PDLIM5: variants seen among roughly 807,000 people sequenced by gnomAD.
PDLIM5 encodes PDZ and LIM domain 5, also known as PDZ and LIM domain protein 5.
Under a neutral mutation model 64.2 loss-of-function variants are expected in PDLIM5, and 34 were observed. The ratio of observed to expected loss-of-function variants is 0.53; its 90% confidence interval spans 0.40 to 0.71. The LOEUF is 0.71. Ranked by LOEUF, PDLIM5 falls within the 30% of genes least tolerant of loss-of-function variation. The probability of loss-of-function intolerance (pLI) is 0.00; values close to 1 mark genes in which losing one functional copy is unlikely to be tolerated. For missense variants in PDLIM5, 683 were observed against 733.6 expected (o/e 0.93, Z 0.80); for synonymous variants, 253 against 269.1 (o/e 0.94, Z 0.59).
At position 94,612,423 on chromosome 4, in the gene PDLIM5, A is replaced by G. The variant is rs180974354; in HGVS notation, c.921-5581A>G. 1.8e-3 allele frequency among the ~76,000 whole-genome samples: 281 copies of G among 152,290 alleles called. 1 individual carries two copies. Among genetic ancestry groups the G allele is most frequent in the African/African-American group, 6.6e-3 (273 of 41,558 alleles). On this transcript the variant is annotated intron_variant, in intron 7 of 12. Transcript: ENST00000317968. ...CTTTCATTGTCAGGGCTGAGATTGT[A>G]CAGAGGCAGGTTACTGACCATGCTT...
chr4:94,471,924 A>G (rs1372916304), intron 2 of PDLIM5, among the ~76,000 whole-genome samples: 1 of 152,142 alleles, frequency 6.6e-6, no homozygotes, highest in Non-Finnish European at 1.5e-5. Context: ...TATACTTACA[A>G]AGACCTTATA....
intron 9 of PDLIM5, among the ~76,000 whole-genome samples, chr4:94,653,448 C>T (rs1741989529): frequency 6.6e-6 from 1 of 152,066 alleles, no homozygotes; most frequent in Non-Finnish European, 1.5e-5. Context: ...AATGGTTAGT[C>T]TCTGCAGGCT....
At chr4:94,527,679 T>C (rs1390087592) in intron 3 of PDLIM5, among the ~76,000 whole-genome samples, 1 of 152,184 alleles carries the variant, frequency 6.6e-6, no homozygotes, top group Non-Finnish European at 1.5e-5. Context: ...TCAGGGGATA[T>C]CCAGCTTCAC....
intron 2 of PDLIM5, among the ~76,000 whole-genome samples, chr4:94,507,897 T>C (rs1398290950): frequency 6.6e-6 from 1 of 152,224 alleles, no homozygotes; most frequent in African/African-American, 2.4e-5. Flanking sequence ...AAAATCTTGC[T>C]TCTCTGCTCC....
chr4:94,524,727 G>A (rs1475587900), intron 3 of PDLIM5, among the ~76,000 whole-genome samples: 1 of 152,006 alleles, frequency 6.6e-6, no homozygotes, highest in Non-Finnish European at 1.5e-5. Context: ...AAAATCATCT[G>A]GAGTGCTTGT....
chr4:94,557,821 T>C (rs1276327481), intron 3 of PDLIM5, among the ~76,000 whole-genome samples: 3 of 151,986 alleles, frequency 2.0e-5, no homozygotes, highest in Admixed American at 6.6e-5. Flanking sequence ...GACGATGGAG[T>C]TTTCTAGATA....
chr4:94,623,104 C>G (rs1287693664), intron 8 of PDLIM5, among the ~76,000 whole-genome samples: 1 of 152,220 alleles, frequency 6.6e-6, no homozygotes, highest in African/African-American at 2.4e-5. Flanking sequence ...TATTCCTTTT[C>G]TTGATGGCAT....
intron 5 of PDLIM5, among the ~76,000 whole-genome samples, chr4:94,582,184 C>T (rs1402069417): frequency 1.3e-5 from 2 of 152,102 alleles, no homozygotes; most frequent in African/African-American, 2.4e-5. Context: ...AGAAATTGTA[C>T]TTGCTATTAA....
chr4:94,590,997 C>G (rs1736632778), intron 7 of PDLIM5, among the ~76,000 whole-genome samples: 1 of 152,006 alleles, frequency 6.6e-6, no homozygotes, highest in Non-Finnish European at 1.5e-5. Flanking sequence ...CAATGAAGAC[C>G]TAGAAAAGAG....
chr4:94,572,557 G>A (rs943069517), intron 3 of PDLIM5, among the ~76,000 whole-genome samples: 2 of 152,002 alleles, frequency 1.3e-5, no homozygotes, highest in South Asian at 2.1e-4. Flanking sequence ...CTAACTAAAG[G>A]CACAATAATA....
At chr4:94,600,239 A>T (rs924826519) in intron 7 of PDLIM5, among the ~76,000 whole-genome samples, 1 of 152,220 alleles carries the variant, frequency 6.6e-6, no homozygotes, top group African/African-American at 2.4e-5. Flanking sequence ...GTTTTTTGTT[A>T]TTGAATGAAT....
chr4:94,628,333 A>G (rs1205228598), intron 8 of PDLIM5, among the ~76,000 whole-genome samples: 1 of 152,194 alleles, frequency 6.6e-6, no homozygotes, highest in Non-Finnish European at 1.5e-5. Context: ...CTAAATTCAA[A>G]CATAACTTTG....
intron 7 of PDLIM5, chr4:94,588,004 C>T (rs932221166): frequency 1.0e-6 from 1 of 969,380 alleles, no homozygotes; most frequent in African/African-American, 1.8e-5. Flanking sequence ...TACATGGAAG[C>T]TAAATATATG....
intron 7 of PDLIM5, chr4:94,587,075 T>C (rs754142343): frequency 1.9e-6 from 3 of 1,609,094 alleles, no homozygotes; most frequent in Non-Finnish European, 2.5e-6. Flanking sequence ...GCTCTTAACG[T>C]ACAGTGATTT....
intron 2 of PDLIM5, chr4:94,455,646 C>T (rs1211903781): frequency 1.4e-6 from 1 of 735,954 alleles, no homozygotes; most frequent in Non-Finnish European, 2.2e-6. Flanking sequence ...ACAGACTGTA[C>T]ATTTTTGAAC....
chr4:94,557,342 T>C (rs1733436368), intron 3 of PDLIM5, among the ~76,000 whole-genome samples: 1 of 152,242 alleles, frequency 6.6e-6, no homozygotes, highest in Non-Finnish European at 1.5e-5. Context: ...GGTAGTGTGA[T>C]GCCTCCAGCT....
chr4:94,662,833 A>G (rs1742844335), intron 12 of PDLIM5, among the ~76,000 whole-genome samples: 1 of 151,952 alleles, frequency 6.6e-6, no homozygotes, highest in South Asian at 2.1e-4. Context: ...TAAAAAAAAA[A>G]AAACCTCTGT....
chr4:94,473,254 TTTTA>T (rs1327851363), intron 2 of PDLIM5, among the ~76,000 whole-genome samples: 1 of 151,986 alleles, frequency 6.6e-6, no homozygotes, highest in East Asian at 1.9e-4. Context: ...TAAGAGGTGA[TTTTA>T]TTTTTTTTAT....
At chr4:94,625,175 A>T (rs535833385) in intron 8 of PDLIM5, among the ~76,000 whole-genome samples, 25 of 152,304 alleles carry the variant, frequency 1.6e-4, no homozygotes, top group Middle Eastern at 3.4e-3. Context: ...TAGAGTACCT[A>T]TGTATCCTCT....
Sources: allele counts gnomAD v4.1 joint callset (sites outside exome capture counted in the v4.1 genomes callset), GRCh38; gene constraint gnomAD v4.1.1; transcripts MANE v1.5; gene names NCBI Gene and HGNC (gene_info 2026-07-23, HGNC 2026-07-21).